FLYWCH1: variants seen among roughly 807,000 people sequenced by gnomAD.
FLYWCH1 encodes the protein FLYWCH-type zinc finger-containing protein 1.
In FLYWCH1, 75 loss-of-function variants were observed where a neutral mutation model predicts 66.4. That is an observed-to-expected ratio of 1.13 (90% CI 0.94 to 1.37). The LOEUF is 1.37. Among genes scored for constraint, FLYWCH1 ranks in the 40% most tolerant of loss-of-function variants. FLYWCH1 has a pLI of 0.00. For missense variants in FLYWCH1, 1,334 were observed against 1,001.8 expected, an observed-to-expected ratio of 1.33 and a Z score of -4.48; for synonymous variants, 595 against 429.9, an observed-to-expected ratio of 1.38 and a Z score of -4.75.
At chr16:2,934,871 TG>T (rs1164685809) in intron 6 of FLYWCH1, 1 of 261,118 alleles carries the variant, frequency 3.8e-6, no homozygotes, top group African/African-American at 2.3e-5. Context: ...TACTATTAAT[TG>T]GTTTTTCCAT....
At position 2,934,692 on chromosome 16, in the gene FLYWCH1, TTC is replaced by T. The variant is rs1386372865; in HGVS notation, c.1513+718_1513+719del. The T allele has an allele frequency of 7.0e-5, 32 of 456,056 alleles. 1 individual carries two copies. The East Asian group carries it at 2.1e-3, about 30-fold the overall frequency. The allele number at this position is 456,056 out of a possible 1,614,324, so 28.3% of individuals were successfully genotyped here. On this transcript the variant is annotated intron_variant, in intron 6 of 9. Coordinates refer to ENST00000253928, the MANE Select transcript of FLYWCH1 (RefSeq NM_001308068.2). ...TGTGAGTTGCCTCATGGCCCTAAAG[TTC>T]TCTCGGACTTGAGAGCTGTGATTGT...
chr16:2,946,649 A>T (rs1218207550), intron 9 of FLYWCH1, among the ~76,000 whole-genome samples: 1 of 152,062 alleles, frequency 6.6e-6, no homozygotes, highest in Non-Finnish European at 1.5e-5. Flanking sequence ...ATGAAAAGAC[A>T]ACCCAATTAA....
rs766990484 is a variant in FLYWCH1, at chr16:2,933,480, C to G, written c.1147C>G (p.Leu383Val). Residue 383 changes from leucine (L) to valine (V), a missense_variant, in exon 5 of 10, where the codon CTC (leucine) becomes GTC (valine). Physicochemically the swap from Leu to Val is conservative, Grantham distance 32. Coordinates refer to ENST00000253928, the MANE Select transcript of FLYWCH1 (RefSeq NM_001308068.2). ...LYRRGPGPLT[L>V]TRPRPRKRAK... ...CCGCAGGGGTCCGGGTCCCCTGACTCTCACCAGGCCTCGGCCCAGAAAGCG... is the reference window on the plus strand; with the variant it reads ...CCGCAGGGGTCCGGGTCCCCTGACTGTCACCAGGCCTCGGCCCAGAAAGCG... 8.7e-6 allele frequency: 14 copies of G among 1,605,922 alleles called. No individual in the cohort carries two copies. Among genetic ancestry groups the G allele is most frequent in the African/African-American group, 4.0e-5 (3 of 74,822 alleles).
intron 2 of FLYWCH1, among the ~76,000 whole-genome samples, chr16:2,926,190 CT>C (rs1484386521): frequency 6.6e-6 from 1 of 152,194 alleles, no homozygotes; most frequent in Non-Finnish European, 1.5e-5. Context: ...TCTAACTATG[CT>C]ATTTCAAACA....
chr16:2,936,938 C>T (rs756117800), intron 6 of FLYWCH1, 183 bp from the exon 7 acceptor site: 50 of 799,958 alleles, frequency 6.3e-5, no homozygotes, highest in Non-Finnish European at 9.4e-5. Context: ...CCTCAGGAGG[C>T]GGACCCCAGC....
intron 9 of FLYWCH1, among the ~76,000 whole-genome samples, chr16:2,948,183 G>C (rs2071562012): frequency 6.6e-6 from 1 of 152,140 alleles, no homozygotes; most frequent in Non-Finnish European, 1.5e-5. Context: ...ATGCTGGTGT[G>C]GGAAGCAGGG....
At chr16:2,912,313 C>T (rs920932083) in intron 1 of FLYWCH1, among the ~76,000 whole-genome samples, 159 bp downstream of exon 1, 3 of 152,162 alleles carry the variant, frequency 2.0e-5, no homozygotes, top group East Asian at 3.9e-4. Flanking sequence ...GCGATTCCCT[C>T]CTTGCTCCTC....
chr16:2,932,117 CAAAAA>C (rs71158124), intron 4 of FLYWCH1, among the ~76,000 whole-genome samples: 2 of 109,876 alleles, frequency 1.8e-5, no homozygotes, highest in South Asian at 2.9e-4. Context: ...GACTCTGTCT[CAAAAA>C]AAAAAAAAAA....
Position 2,933,337 on chromosome 16 carries a change from TGGA to T in FLYWCH1, c.1007_1009del (p.Glu336del). The T allele has an allele frequency of 6.2e-7, 1 of 1,608,192 alleles. No homozygotes were observed. The highest frequency in any genetic ancestry group is 1.7e-5 in the Admixed American group (1 of 59,064). On this transcript the variant is annotated inframe_deletion, in exon 5 of 10. Coordinates refer to ENST00000253928, the MANE Select transcript of FLYWCH1 (RefSeq NM_001308068.2). ...CGTGGGCACTGCCACCAGCCCGATA[TGGA>T]GGGCCTGGAAGCCCGGCGGCAGCAG...
chr16:2,921,474 A>G (rs540992630), intron 2 of FLYWCH1, among the ~76,000 whole-genome samples: 1 of 152,166 alleles, frequency 6.6e-6, no homozygotes, highest in Admixed American at 6.6e-5. Flanking sequence ...AGGTGGGAGG[A>G]TCGCTTGATC....
At chr16:2,917,122 C>T (rs949441449) in intron 2 of FLYWCH1, among the ~76,000 whole-genome samples, 3 of 151,190 alleles carry the variant, frequency 2.0e-5, no homozygotes, top group Non-Finnish European at 2.9e-5. Context: ...TGCCACTGCA[C>T]TCCAGCCCAG....
Position 2,948,743 on chromosome 16 carries a change from G to C in FLYWCH1, c.*16G>C. Reference sequence around the variant, plus strand: ...GTCCCAGTGAGGCGATGTGGGCAGAGGAGCTCCGAGCCGCCCACCCAAGGT... The same window carrying C: ...GTCCCAGTGAGGCGATGTGGGCAGACGAGCTCCGAGCCGCCCACCCAAGGT... On this transcript the variant is annotated 3_prime_UTR_variant, in exon 10 of 10. Transcript: ENST00000253928. 1 of 1,613,684 alleles carries C rather than the reference G, an allele frequency of 6.2e-7. No homozygotes were observed. Among genetic ancestry groups the C allele is most frequent in the Non-Finnish European group, 8.5e-7 (1 of 1,179,640 alleles).
Position 2,917,987 on chromosome 16 carries a change from G to A in FLYWCH1, c.-74+3698G>A, listed in dbSNP as rs187506366. On this transcript the variant is annotated intron_variant, in intron 2 of 9. Transcript: ENST00000253928. ...TGAGTAGCTGGGATTACAGGCGCCC[G>A]CCACCATGCCCAGGTAATTTTTGTA... Among the ~76,000 whole-genome samples the A allele has an allele frequency of 2.9e-3, 440 of 151,534 alleles. 5 individuals carry two copies. The highest frequency in any genetic ancestry group is 0.01 in the African/African-American group (418 of 41,284).
At chr16:2,916,413 A>G (rs1481302242) in intron 2 of FLYWCH1, among the ~76,000 whole-genome samples, 1 of 152,104 alleles carries the variant, frequency 6.6e-6, no homozygotes, top group Non-Finnish European at 1.5e-5. Flanking sequence ...AGGCAGGCGG[A>G]TCACGAAGTC....
intron 2 of FLYWCH1, chr16:2,922,192 A>T (rs1455236771): frequency 6.6e-6 from 1 of 151,938 alleles, no homozygotes; most frequent in East Asian, 1.9e-4. Context: ...AATGTTAGGG[A>T]AATGGGGTGT....
At position 2,933,515 on chromosome 16, in the gene FLYWCH1, C is replaced by A; in HGVS notation, c.1182C>A (p.Val394=). 6.2e-7 allele frequency: 1 copy of A among 1,611,766 alleles called. No homozygotes were observed. The highest frequency in any genetic ancestry group is 1.1e-5 in the South Asian group (1 of 90,806). ...CTCGGCCCAGAAAGCGAGCAAAGGT[C>A]GAAGACCAGGAGCTGCCAACCCAGC... ...TRPRPRKRAK[V]EDQELPTQPE... The change falls in exon 5 of 10, where the codon GTC becomes GTA. Residue 394 remains valine (V), a synonymous_variant. Transcript: ENST00000253928.
chr16:2,942,743 T>TTTTG (rs1742021937), intron 9 of FLYWCH1, among the ~76,000 whole-genome samples: 1 of 141,148 alleles, frequency 7.1e-6, no homozygotes, highest in Non-Finnish European at 1.5e-5. Context: ...TTTTTTTTTT[T>TTTTG]TGAGACGGAG....
rs552077542 is a variant in FLYWCH1, at chr16:2,929,311, C to G, written c.-73-302C>G. On this transcript the variant is annotated intron_variant, in intron 2 of 9. Coordinates refer to ENST00000253928, the MANE Select transcript of FLYWCH1 (RefSeq NM_001308068.2). ...GGGACTGGAAACGCGGGTGGAAACC[C>G]TTCGTCCGTGCTCAGCATGTGGCTG... 2.4e-4 allele frequency among the ~76,000 whole-genome samples: 36 copies of G among 152,296 alleles called. 1 individual carries two copies. Among genetic ancestry groups the G allele is most frequent in the African/African-American group, 7.9e-4 (33 of 41,570 alleles).
chr16:2,927,933 C>A (rs1046618529), intron 2 of FLYWCH1, among the ~76,000 whole-genome samples: 2 of 152,222 alleles, frequency 1.3e-5, no homozygotes, highest in Non-Finnish European at 2.9e-5. Flanking sequence ...TTTTTACTAT[C>A]TTGGCAAGGG....
Sources: allele counts gnomAD v4.1 joint callset (sites outside exome capture counted in the v4.1 genomes callset), GRCh38; gene constraint gnomAD v4.1.1; transcripts MANE v1.5; gene names NCBI Gene and HGNC (gene_info 2026-07-23, HGNC 2026-07-21).